Variants in AKR1C1 observed in about 807,000 individuals in gnomAD.
AKR1C1 encodes the protein aldo-keto reductase family 1 member C1, also known as 20 alpha-hydroxysteroid dehydrogenase.
A neutral mutation model predicts 40.6 loss-of-function variants in AKR1C1; 32 were observed. The ratio of observed to expected loss-of-function variants is 0.79; its 90% confidence interval spans 0.60 to 1.06. The LOEUF is 1.06. AKR1C1 is among the 50% of genes least tolerant of loss of function. The pLI is 0.00. For synonymous variants in AKR1C1, 105 were observed against 134.2 expected (o/e 0.78, Z 1.50); for missense variants, 320 against 363.5 (o/e 0.88, Z 0.97).
chr10:4,967,987 C>A (rs1332243140), intron 3 of AKR1C1: 16 of 221,142 alleles, frequency 7.2e-5, no homozygotes, highest in Non-Finnish European at 1.2e-4. Context: ...ATATCAAGAT[C>A]TTTTGCAGTT....
Position 4,979,331 on chromosome 10 carries a change from A to AT in AKR1C1, c.*1594dup. The AT allele has an allele frequency of 6.6e-6, 1 of 152,238 alleles. No homozygotes were observed. Among genetic ancestry groups the AT allele is most frequent in the Middle Eastern group, 3.4e-3 (1 of 294 alleles). The allele number at this position is 152,238 out of a possible 1,614,324, so 9.4% of individuals were successfully genotyped here. On this transcript the variant is annotated 3_prime_UTR_variant, in exon 9 of 9. Transcript: ENST00000380872. Reference sequence around the variant, plus strand: ...CCCCCTAAAAATATTTCTAGCTCAGATTTTTCCTCCAAATTCTGCAATAGA... The same window carrying AT: ...CCCCCTAAAAATATTTCTAGCTCAGATTTTTTCCTCCAAATTCTGCAATAGA...
rs2131656201 is a variant in AKR1C1 at position 4,982,052 on chromosome 10, T to C, written c.*4310T>C. 1 of 152,260 alleles carries C rather than the reference T, an allele frequency of 6.6e-6. No homozygotes were observed. Among genetic ancestry groups the C allele is most frequent in the East Asian group, 1.9e-4 (1 of 5,190 alleles). 9.4% of individuals were successfully genotyped at this position (152,260 alleles called of 1,614,324 possible). A position where few individuals can be genotyped will look rare whatever the true frequency, so the allele number is the denominator to read the frequency against. ...ACTGTGGGGGGCGCACGGCAAGCTA[T>C]TCAACATTACGTACAGGCATTTGAG... On this transcript the variant is annotated 3_prime_UTR_variant, in exon 9 of 9. Transcript: ENST00000380872.
chr10:4,971,943 C>T (rs1387516256), intron 5 of AKR1C1, among the ~76,000 whole-genome samples: 1 of 149,244 alleles, frequency 6.7e-6, no homozygotes, highest in Non-Finnish European at 1.5e-5. Context: ...TGAAATTGGC[C>T]GTGTCTCGTT....
chr10:4,973,095 T>TTA (rs1554770077), intron 7 of AKR1C1, among the ~76,000 whole-genome samples: 2 of 151,902 alleles, frequency 1.3e-5, no homozygotes, highest in African/African-American at 4.8e-5. Context: ...TCTTGTATGT[T>TTA]TATGTAGTAT....
intron 1 of AKR1C1, 44 bp downstream of exon 1, chr10:4,963,572 G>A: frequency 6.5e-7 from 1 of 1,531,034 alleles, no homozygotes; most frequent in Admixed American, 1.7e-5. Flanking sequence ...AGGAGCTAGA[G>A]TAAGTGGAAG....
Position 4,981,132 on chromosome 10 carries a change from G to C in AKR1C1, c.*3390G>C, listed in dbSNP as rs1272685576. On this transcript the variant is annotated 3_prime_UTR_variant, in exon 9 of 9. Coordinates refer to ENST00000380872, the MANE Select transcript of AKR1C1 (RefSeq NM_001353.6). ...AAAGAACTTTTTCTTTTGCTGAGCA[G>C]TAAGTCTTAACAGTGGGCTTAAAAT... 1 of 151,824 alleles carries C rather than the reference G, an allele frequency of 6.6e-6. No individual in the cohort carries two copies. Among genetic ancestry groups the C allele is most frequent in the African/African-American group, 2.4e-5 (1 of 41,392 alleles). 9.4% of individuals were successfully genotyped at this position (151,824 alleles called of 1,614,324 possible).
In AKR1C1 at chr10:4,968,836, T is replaced by G; in HGVS notation, c.462T>G (p.Cys154Trp). The G allele has an allele frequency of 6.2e-7, 1 of 1,614,176 alleles. No individual in the cohort carries two copies. Among genetic ancestry groups the G allele is most frequent in the Non-Finnish European group, 8.5e-7 (1 of 1,180,022 alleles). Residue 154 changes from cysteine (C) to tryptophan (W), a missense_variant, in exon 5 of 9, where the codon TGT becomes TGG. Physicochemically the swap from Cys to Trp is radical, Grantham distance 215. Coordinates refer to ENST00000380872, the MANE Select transcript of AKR1C1 (RefSeq NM_001353.6). ...CTTTTTCCCAGGCCGTGGAGAAGTG[T>G]AAAGATGCAGGATTGGCCAAGTCCA... ...LCATWEAVEK[C>W]KDAGLAKSIG...
Position 4,966,064 on chromosome 10 carries a change from A to G in AKR1C1, c.235A>G (p.Ile79Val). 2.5e-6 allele frequency: 4 copies of G among 1,613,816 alleles called. No homozygotes were observed. The highest frequency in any genetic ancestry group is 3.4e-6 in the Non-Finnish European group (4 of 1,179,854). ...AGATGGCAGTGTGAAGAGAGAAGAC[A>G]TATTCTACACTTCAAAGGTACTGTG... ...IADGSVKREDIFYTSKLWCNS... is the reference protein window; with the variant it reads ...IADGSVKREDVFYTSKLWCNS... The change falls in exon 2 of 9, where the codon ATA becomes GTA. Residue 79 changes from isoleucine (I) to valine (V), a missense_variant. Coordinates refer to ENST00000380872, the MANE Select transcript of AKR1C1 (RefSeq NM_001353.6).
intron 7 of AKR1C1, 106 bp downstream of exon 7, chr10:4,972,855 A>G (rs1331272142): frequency 7.8e-5 from 115 of 1,465,078 alleles, no homozygotes; most frequent in Non-Finnish European, 1.0e-4. Flanking sequence ...ATTTCCCTGT[A>G]TTTCCTATGC....
rs377200174 is a variant in AKR1C1, at chr10:4,982,711, G to A, written c.*4969G>A. 152 of 302,090 alleles carry A rather than the reference G, an allele frequency of 5.0e-4. No individual in the cohort carries two copies. The highest frequency in any genetic ancestry group is 4.2e-3 in the South Asian group (145 of 34,588). 18.7% of individuals were successfully genotyped at this position (302,090 alleles called of 1,614,324 possible). A position where few individuals can be genotyped will look rare whatever the true frequency, so the allele number is the denominator to read the frequency against. Reference sequence around the variant, plus strand: ...ACTTTCCCTGGGCAACTTAGGGCAAGCTCAAATCCCACTGCTACCACCACA... The same window carrying A: ...ACTTTCCCTGGGCAACTTAGGGCAAACTCAAATCCCACTGCTACCACCACA... On this transcript the variant is annotated 3_prime_UTR_variant, in exon 9 of 9. Transcript: ENST00000380872.
At chr10:4,965,253 T>C (rs959449978) in intron 1 of AKR1C1, among the ~76,000 whole-genome samples, 1 of 152,146 alleles carries the variant, frequency 6.6e-6, no homozygotes, top group African/African-American at 2.4e-5. Flanking sequence ...CGTGTTAATT[T>C]CTTTTTTTGT....
chr10:4,975,033 T>G (rs1237550105), intron 7 of AKR1C1, among the ~76,000 whole-genome samples: 1 of 152,130 alleles, frequency 6.6e-6, no homozygotes, highest in Non-Finnish European at 1.5e-5. Flanking sequence ...GATCATAATA[T>G]GAATTTCCCA....
chr10:4,966,249 G>A (rs1836332237), intron 2 of AKR1C1, among the ~76,000 whole-genome samples, 168 bp downstream of exon 2: 1 of 152,190 alleles, frequency 6.6e-6, no homozygotes, highest in Non-Finnish European at 1.5e-5. Context: ...AAGTGAAGAT[G>A]GCTTTCTCAT....
At chr10:4,971,557 T>A (rs1188300221) in intron 5 of AKR1C1, among the ~76,000 whole-genome samples, 3 of 147,302 alleles carry the variant, frequency 2.0e-5, no homozygotes, top group African/African-American at 7.4e-5. Flanking sequence ...GATCAAAGAC[T>A]CATGAGGGCA....
At chr10:4,977,645 C>A (rs74111919) in intron 8 of AKR1C1, 55 bp from the exon 9 acceptor site, 8 of 1,610,310 alleles carry the variant, frequency 5.0e-6, no homozygotes. Context: ...CTGCACTACC[C>A]GCTAGTAACG....
intron 8 of AKR1C1, among the ~76,000 whole-genome samples, chr10:4,976,837 G>A (rs1836533002): frequency 6.6e-6 from 1 of 151,986 alleles, no homozygotes; most frequent in African/African-American, 2.4e-5. Flanking sequence ...AAATTTGGTG[G>A]ATATTATTAG....
rs1836327485 is a variant in AKR1C1, at chr10:4,966,020, C to T, written c.191C>T (p.Ala64Val). 1 of 1,614,030 alleles carries T rather than the reference C, an allele frequency of 6.2e-7. No individual in the cohort carries two copies. Among genetic ancestry groups the T allele is most frequent in the Non-Finnish European group, 8.5e-7 (1 of 1,180,022 alleles). Residue 64 changes from alanine (A) to valine (V), a missense_variant, in exon 2 of 9, where the codon GCC (alanine) becomes GTC (valine). By Grantham distance (64) the Ala-to-Val change is moderately conservative. Around this residue, in one of 3 missense-constraint regions of AKR1C1, gnomAD observed 214 missense variants for 214.8 expected, o/e 1.00. Coordinates refer to ENST00000380872, the MANE Select transcript of AKR1C1 (RefSeq NM_001353.6). ...LYNNEEQVGL[A>V]IRSKIADGSV... The stretch of plus-strand genomic sequence containing the variant: ...AATAATGAGGAGCAGGTTGGACTGG[C>T]CATCCGAAGCAAGATTGCAGATGGC...
At chr10:4,966,192 G>A (rs1836330968) in intron 2 of AKR1C1, 111 bp downstream of exon 2, 12 of 1,496,296 alleles carry the variant, frequency 8.0e-6, no homozygotes, top group African/African-American at 7.0e-5. Context: ...TATTTATTAC[G>A]ATTTATTCAC....
rs868995978 is a variant in AKR1C1, at chr10:4,982,876, C to T, written c.*5134C>T. On this transcript the variant is annotated 3_prime_UTR_variant, in exon 9 of 9. Coordinates refer to ENST00000380872, the MANE Select transcript of AKR1C1 (RefSeq NM_001353.6). ...TGAGCTCAGCTGTTACCACTGCGTA[C>T]CACACCCTGACCAGTCAGAGGTCTT... The T allele has an allele frequency of 1.4e-4, 62 of 428,988 alleles. No homozygotes were observed. The highest frequency in any genetic ancestry group is 7.4e-4 in the Middle Eastern group (1 of 1,350). The allele number at this position is 428,988 out of a possible 1,614,324, so 26.6% of individuals were successfully genotyped here.
Sources: allele counts gnomAD v4.1 joint callset (sites outside exome capture counted in the v4.1 genomes callset), GRCh38; gene constraint gnomAD v4.1.1; regional missense constraint gnomAD v4.1.1; transcripts MANE v1.5; gene names NCBI Gene and HGNC (gene_info 2026-07-23, HGNC 2026-07-21).